Variants in EFCAB5 observed in about 807,000 individuals in gnomAD.
EFCAB5 encodes EF-hand calcium binding domain 5, also known as EF-hand calcium-binding domain-containing protein 5.
In EFCAB5, 131 loss-of-function variants were observed where a neutral mutation model predicts 167.9. The observed-to-expected ratio is 0.78, with a 90% confidence interval of 0.68 to 0.90. EFCAB5 has a LOEUF of 0.90. EFCAB5 is among the 40% of genes least tolerant of loss of function. The pLI, the probability that EFCAB5 is intolerant of heterozygous loss-of-function variation, is 0.00. For missense variants in EFCAB5, 1,663 were observed against 1,745.2 expected (o/e 0.95, Z 0.84); for synonymous variants, 574 against 602.8 (o/e 0.95, Z 0.70).
rs772820311 is a variant in EFCAB5 at position 30,080,940 on chromosome 17, G to A, written c.3385G>A (p.Glu1129Lys). The change falls in exon 17 of 23, where the codon GAA (glutamate) becomes AAA (lysine). Residue 1129 changes from glutamate to lysine, a missense_variant. Transcript: ENST00000394835. ...LAVDTLRDPH[E>K]INIFLPHEIR... ...TGTTGATACCCTTAGAGATCCCCAC[G>A]AAATAAACATCTTTCTACCTCATGA... 4 of 1,613,360 alleles carry A rather than the reference G, an allele frequency of 2.5e-6. No individual in the cohort carries two copies. Among genetic ancestry groups the A allele is most frequent in the East Asian group, 2.2e-5 (1 of 44,872 alleles).
At chr17:30,051,891 C>G (rs2070108696) in intron 9 of EFCAB5, among the ~76,000 whole-genome samples, 1 of 152,098 alleles carries the variant, frequency 6.6e-6, no homozygotes, top group East Asian at 1.9e-4. Flanking sequence ...TTTCCTTTTC[C>G]CAAGCATTTA....
intron 3 of EFCAB5, among the ~76,000 whole-genome samples, chr17:29,962,882 C>A (rs1367989247): frequency 6.6e-6 from 1 of 151,998 alleles, no homozygotes; most frequent in Non-Finnish European, 1.5e-5. Flanking sequence ...TCTTGTTACT[C>A]ATTTTAGGGA....
chr17:29,944,617 G>GTTTTTTTTTTTTTTTTTT (rs1223652580), intron 3 of EFCAB5, among the ~76,000 whole-genome samples: 1 of 139,462 alleles, frequency 7.2e-6, no homozygotes, highest in African/African-American at 2.7e-5. Context: ...GTTGTTTTCT[G>GTTTTTTTTTTTTTTTTTT]TTTTGTTTTG....
chr17:29,992,105 T>G (rs191557068), intron 4 of EFCAB5, among the ~76,000 whole-genome samples: 20 of 152,280 alleles, frequency 1.3e-4, no homozygotes, highest in Non-Finnish European at 2.4e-4. Flanking sequence ...CTAAATGAGA[T>G]TTTATACCCT....
intron 3 of EFCAB5, among the ~76,000 whole-genome samples, chr17:29,946,939 C>T (rs114177210): frequency 0.034 from 5,191 of 152,196 alleles, 130 homozygotes; most frequent in Middle Eastern, 0.062. Flanking sequence ...ATAAACAGCA[C>T]TTCGGAAGGC....
intron 6 of EFCAB5, among the ~76,000 whole-genome samples, chr17:29,997,264 A>G (rs1246786522): frequency 6.6e-6 from 1 of 151,824 alleles, no homozygotes; most frequent in Non-Finnish European, 1.5e-5. Flanking sequence ...AAAAAGAAAG[A>G]AAGAAAATTA....
chr17:30,023,729 A>C (rs968465632), intron 7 of EFCAB5, among the ~76,000 whole-genome samples: 43 of 152,288 alleles, frequency 2.8e-4, no homozygotes, highest in Non-Finnish European at 5.4e-4. Flanking sequence ...ACACAACAAA[A>C]AAAGAGAATT....
intron 19 of EFCAB5, among the ~76,000 whole-genome samples, chr17:30,089,618 C>CA (rs2151846303): frequency 6.6e-6 from 1 of 152,268 alleles, no homozygotes; most frequent in Non-Finnish European, 1.5e-5. Flanking sequence ...CCCAGATCCC[C>CA]AAAATGCCTT....
At chr17:30,100,005 C>T (rs986740682) in intron 22 of EFCAB5, among the ~76,000 whole-genome samples, 13 of 152,138 alleles carry the variant, frequency 8.5e-5, no homozygotes, top group African/African-American at 3.1e-4. Context: ...TTCAAAATCC[C>T]TATATTTTCT....
intron 5 of EFCAB5, among the ~76,000 whole-genome samples, chr17:29,995,570 G>T (rs1425490432): frequency 6.6e-6 from 1 of 152,178 alleles, no homozygotes; most frequent in African/African-American, 2.4e-5. Flanking sequence ...TCCATTTGAA[G>T]CTCTGTTCTT....
At chr17:30,074,015 A>G (rs1035342404) in intron 14 of EFCAB5, 19 of 170,144 alleles carry the variant, frequency 1.1e-4, no homozygotes, top group Non-Finnish European at 2.1e-4. Flanking sequence ...AATTAGTTTT[A>G]TCTCTTCTGG....
chr17:29,968,648 CTGATTTTCTGTTA>C, intron 3 of EFCAB5, 130 bp from the exon 4 acceptor site: 1 of 676,500 alleles, frequency 1.5e-6, no homozygotes, highest in Non-Finnish European at 2.3e-6. Context: ...GTCACTTTGT[CTGATTTTCTGTTA>C]TTTTCAGCTG....
intron 13 of EFCAB5, 115 bp downstream of exon 13, chr17:30,058,005 C>T (rs748942329): frequency 1.1e-6 from 1 of 883,208 alleles, no homozygotes; most frequent in Non-Finnish European, 1.7e-6. Flanking sequence ...AAACTGATCA[C>T]TTTCTTTCAA....
intron 19 of EFCAB5, among the ~76,000 whole-genome samples, chr17:30,087,923 G>A (rs78619922): frequency 2.0e-5 from 3 of 152,272 alleles, no homozygotes; most frequent in African/African-American, 7.2e-5. Context: ...GTGTAAAAGC[G>A]TTCCTACTTT....
At chr17:30,042,220 G>T (rs2069793674) in intron 8 of EFCAB5, among the ~76,000 whole-genome samples, 1 of 152,050 alleles carries the variant, frequency 6.6e-6, no homozygotes, top group Admixed American at 6.5e-5. Flanking sequence ...TGTTGGCCAG[G>T]CTGGTCTCGA....
At chr17:30,014,544 C>T (rs2068986063) in intron 7 of EFCAB5, among the ~76,000 whole-genome samples, 1 of 152,148 alleles carries the variant, frequency 6.6e-6, no homozygotes, top group Non-Finnish European at 1.5e-5. Context: ...GAACCCTTTA[C>T]CATTATATAA....
At chr17:29,953,290 C>CA (rs912646546) in intron 3 of EFCAB5, among the ~76,000 whole-genome samples, 21 of 151,918 alleles carry the variant, frequency 1.4e-4, no homozygotes, top group African/African-American at 3.4e-4. Flanking sequence ...ACAATTGCCA[C>CA]AAAAAAAATA....
intron 8 of EFCAB5, among the ~76,000 whole-genome samples, chr17:30,035,980 C>CA (rs1391369149): frequency 6.7e-6 from 1 of 149,520 alleles, no homozygotes. Context: ...CCCCAAAATG[C>CA]ATAACATAAT....
rs892426685 is a variant in EFCAB5 at position 29,985,122 on chromosome 17, T to G, written c.768-8043T>G. Among the ~76,000 whole-genome samples, 38 of 152,308 alleles carry G rather than the reference T, an allele frequency of 2.5e-4. 1 individual carries two copies. Among genetic ancestry groups the G allele is most frequent in the African/African-American group, 8.4e-4 (35 of 41,552 alleles). ...ATTTCAATCAAAACCAGTTTGGGGTTTTTGGAGTCCTAATAGGAGTGATGC... is the reference window on the plus strand; with the variant it reads ...ATTTCAATCAAAACCAGTTTGGGGTGTTTGGAGTCCTAATAGGAGTGATGC... On this transcript the variant is annotated intron_variant, in intron 4 of 22. Coordinates refer to ENST00000394835, the MANE Select transcript of EFCAB5 (RefSeq NM_198529.4).
Sources: gnomAD v4.1 joint callset for allele counts (sites outside exome capture counted in the v4.1 genomes callset) on GRCh38, gnomAD v4.1.1 for gene constraint, MANE v1.5 for transcripts, NCBI Gene and HGNC (gene_info 2026-07-23, HGNC 2026-07-21) for gene names.